Variants in RELN observed in about 807,000 individuals in gnomAD.
The protein encoded by RELN is reelin.
Under a neutral mutation model 427.6 loss-of-function variants are expected in RELN, and 108 were observed. That is an observed-to-expected ratio of 0.25 (90% CI 0.22 to 0.30). The LOEUF (loss-of-function observed/expected upper bound fraction) is 0.30, where lower values mean the gene tolerates loss of function less well. Ranked by LOEUF, RELN falls within the 10% of genes least tolerant of loss-of-function variation. RELN has a pLI of 1.00. For missense variants in RELN, 3,715 were observed against 4,302.8 expected, an observed-to-expected ratio of 0.86 and a Z score of 3.82; for synonymous variants, 1,524 against 1,513.4, an observed-to-expected ratio of 1.01 and a Z score of -0.16.
intron 3 of RELN, among the ~76,000 whole-genome samples, chr7:103,805,092 A>T (rs1467331746): frequency 1.3e-5 from 2 of 152,076 alleles, no homozygotes; most frequent in South Asian, 2.1e-4. Context: ...AAACAACTCA[A>T]TGTCAAGAAA....
intron 47 of RELN, 47 bp from the exon 48 acceptor site, chr7:103,522,246 C>T (rs1356056949): frequency 6.3e-7 from 1 of 1,585,106 alleles, no homozygotes; most frequent in East Asian, 2.2e-5. Flanking sequence ...AGACAAAGCC[C>T]CTGCAAGCTT....
chr7:103,889,745 C>G (rs1192179634), intron 2 of RELN, among the ~76,000 whole-genome samples: 1 of 152,248 alleles, frequency 6.6e-6, no homozygotes, highest in East Asian at 1.9e-4. Context: ...AGTAAGTTTT[C>G]TACAGTTATC....
intron 8 of RELN, among the ~76,000 whole-genome samples, chr7:103,703,396 G>A (rs1834134422): frequency 6.6e-6 from 1 of 152,170 alleles, no homozygotes; most frequent in South Asian, 2.1e-4. Context: ...TTGCCCAGAT[G>A]GAAATGGCTC....
chr7:103,739,436 C>T (rs1230232731), intron 6 of RELN, among the ~76,000 whole-genome samples: 1 of 152,186 alleles, frequency 6.6e-6, no homozygotes, highest in Non-Finnish European at 1.5e-5. Flanking sequence ...TTGATGCCCT[C>T]TGTCATCAGT....
At chr7:103,608,624 A>G (rs1489677952) in intron 22 of RELN, among the ~76,000 whole-genome samples, 2 of 152,308 alleles carry the variant, frequency 1.3e-5, no homozygotes, top group South Asian at 2.1e-4. Flanking sequence ...TAATTCCCCA[A>G]TGTCCAATAA....
intron 6 of RELN, among the ~76,000 whole-genome samples, chr7:103,746,568 A>G (rs1790837471): frequency 6.6e-6 from 1 of 152,150 alleles, no homozygotes; most frequent in Non-Finnish European, 1.5e-5. Context: ...ATTTTACAAG[A>G]AAAAAACAAA....
intron 3 of RELN, among the ~76,000 whole-genome samples, chr7:103,782,883 T>C (rs529374757): frequency 6.6e-6 from 1 of 152,262 alleles, no homozygotes; most frequent in South Asian, 2.1e-4. Context: ...GGTTGCTTTT[T>C]CTATCTACTG....
At chr7:103,724,125 A>C (rs554888494) in intron 7 of RELN, among the ~76,000 whole-genome samples, 1 of 152,010 alleles carries the variant, frequency 6.6e-6, no homozygotes, top group Non-Finnish European at 1.5e-5. Context: ...TAGAAAGTGG[A>C]TAAGTCTTCA....
intron 8 of RELN, among the ~76,000 whole-genome samples, chr7:103,717,997 T>A (rs372685806): frequency 6.6e-6 from 1 of 152,182 alleles, no homozygotes; most frequent in Admixed American, 6.5e-5. Context: ...GCTTTTCTTA[T>A]GCTAAATGAA....
intron 8 of RELN, 63 bp from the exon 9 acceptor site, chr7:103,701,069 T>C: frequency 1.1e-6 from 1 of 928,424 alleles, no homozygotes; most frequent in South Asian, 1.3e-5. Context: ...TATTATCTTT[T>C]CTGATAAATA....
intron 41 of RELN, among the ~76,000 whole-genome samples, chr7:103,547,116 C>T (rs2117144236): frequency 6.6e-6 from 1 of 152,126 alleles, no homozygotes; most frequent in Middle Eastern, 3.4e-3. Flanking sequence ...TATTTTTGTG[C>T]CCTGTGAATC....
intron 3 of RELN, among the ~76,000 whole-genome samples, chr7:103,804,366 G>T (rs1193578255): frequency 1.3e-5 from 2 of 152,016 alleles, no homozygotes; most frequent in Non-Finnish European, 2.9e-5. Flanking sequence ...AAATAAAACG[G>T]CACTAAATAG....
chr7:103,541,410 A>G (rs1465745002), intron 43 of RELN, among the ~76,000 whole-genome samples: 1 of 152,254 alleles, frequency 6.6e-6, no homozygotes, highest in Non-Finnish European at 1.5e-5. Flanking sequence ...TATTATCAGT[A>G]CCATATGTAA....
intron 8 of RELN, among the ~76,000 whole-genome samples, chr7:103,709,128 CTAT>C (rs370891643): frequency 2.0e-5 from 3 of 151,854 alleles, no homozygotes; most frequent in Non-Finnish European, 2.9e-5. Flanking sequence ...TACAATAATA[CTAT>C]TATTATTATT....
intron 55 of RELN, among the ~76,000 whole-genome samples, chr7:103,497,458 T>G (rs1828875860): frequency 6.6e-6 from 1 of 152,364 alleles, no homozygotes; most frequent in East Asian, 1.9e-4. Flanking sequence ...ATTTATTACA[T>G]GCTTATTTAC....
At chr7:103,916,601 A>C (rs1055365734) in intron 2 of RELN, among the ~76,000 whole-genome samples, 3 of 152,182 alleles carry the variant, frequency 2.0e-5, no homozygotes, top group Non-Finnish European at 4.4e-5. Context: ...ATTAAATAGG[A>C]TTCTTCTAAG....
intron 11 of RELN, among the ~76,000 whole-genome samples, chr7:103,675,336 T>C (rs952896216): frequency 7.2e-5 from 11 of 152,182 alleles, no homozygotes; most frequent in African/African-American, 2.7e-4. Flanking sequence ...ACAAGGGATG[T>C]GAAGGACCTC....
chr7:103,539,236 C>G lies in RELN; in HGVS notation c.7022G>C (p.Gly2341Ala). 1 of 1,614,214 alleles carries G rather than the reference C, an allele frequency of 6.2e-7. No individual in the cohort carries two copies. Among genetic ancestry groups the G allele is most frequent in the Non-Finnish European group, 8.5e-7 (1 of 1,180,046 alleles). The change falls in exon 45 of 65, where the codon GGC becomes GCC. Residue 2341 changes from glycine (G) to alanine (A), a missense_variant. By Grantham distance (60) the Gly-to-Ala change is moderately conservative. This residue lies in a region of RELN where 1,310 missense variants were observed against 1,643.0 expected (regional missense o/e 0.80). Transcript: ENST00000428762. The part of the protein sequence containing the change: ...DSRKWLLHPG[G>A]TKMPVCGSTG... ...AGAGCCACACACGGGCATCTTGGTGCCTCCTGGGTGAAGCAGCCATTTCCT... is the reference window on the plus strand; with the variant it reads ...AGAGCCACACACGGGCATCTTGGTGGCTCCTGGGTGAAGCAGCCATTTCCT...
intron 19 of RELN, 118 bp downstream of exon 19, chr7:103,635,307 C>T: frequency 9.0e-7 from 1 of 1,116,658 alleles, no homozygotes; most frequent in Non-Finnish European, 1.3e-6. Context: ...ACACATCAAT[C>T]TTTGTGCGCT....
Sources: allele counts gnomAD v4.1 joint callset (sites outside exome capture counted in the v4.1 genomes callset), GRCh38; gene constraint gnomAD v4.1.1; regional missense constraint gnomAD v4.1.1; transcripts MANE v1.5; gene names NCBI Gene and HGNC (gene_info 2026-07-23, HGNC 2026-07-21).